The following PROCR variants were observed in gnomAD, a reference collection of about 807,000 sequenced individuals.
PROCR encodes the protein endothelial protein C receptor.
Under a neutral mutation model 24.2 loss-of-function variants are expected in PROCR, and 22 were observed. The observed-to-expected ratio is 0.91, with a 90% CI of 0.65 to 1.30. The LOEUF is 1.30. Among genes scored for constraint, PROCR ranks in the 50% most tolerant of loss-of-function variants. PROCR has a pLI of 0.00. For synonymous variants in PROCR, 137 were observed against 139.2 expected (o/e 0.98, Z 0.11); for missense variants, 288 against 307.7 (o/e 0.94, Z 0.48).
At chr20:35,181,267 A>AATTTT (rs201093381), downstream of PROCR, among the ~76,000 whole-genome samples, 4 of 34,044 alleles carry the variant, frequency 1.2e-4, no homozygotes, top group African/African-American at 2.2e-4. Context: ...ATTTAATTTT[A>AATTTT]ATTTAATTTT....
At chr20:35,206,200 C>T (rs571344861) in intron 1 of PROCR, among the ~76,000 whole-genome samples, 1 of 151,572 alleles carries the variant, frequency 6.6e-6, no homozygotes, top group South Asian at 2.1e-4. Flanking sequence ...CTCAGTAGGG[C>T]GCAGTGCCTC....
At chr20:35,177,749 C>G (rs2086035385), downstream of PROCR, among the ~76,000 whole-genome samples, 1 of 152,002 alleles carries the variant, frequency 6.6e-6, no homozygotes, top group Non-Finnish European at 1.5e-5. Flanking sequence ...ATTCTTAGAC[C>G]CAGTGCAATC....
intron 1 of PROCR, among the ~76,000 whole-genome samples, chr20:35,183,041 G>A (rs560813958): frequency 1.3e-5 from 2 of 149,952 alleles, no homozygotes; most frequent in Admixed American, 1.3e-4. Flanking sequence ...ATTTACTCTT[G>A]TAGCTATCAT....
intron 1 of PROCR, among the ~76,000 whole-genome samples, chr20:35,211,602 C>G (rs192734386): frequency 6.6e-6 from 1 of 152,170 alleles, no homozygotes; most frequent in Non-Finnish European, 1.5e-5. Context: ...CTCTCAACTC[C>G]CATGTGCTAG....
chr20:35,215,989 GGAGTTC>G lies in PROCR; in HGVS notation c.*90_*95del, dbSNP rs1031773026. On this transcript the variant is annotated 3_prime_UTR_variant, in exon 2 of 2. Coordinates refer to the PROCR transcript ENST00000634509. ...GAGGCAGGAGGATCACTTGAGGTTG[GGAGTTC>G]GAGACCAGCATGACCAACATGGAAA... is the stretch of plus-strand genomic sequence containing the variant. 3 of 515,674 alleles carry G rather than the reference GGAGTTC, an allele frequency of 5.8e-6. No homozygotes were observed. The African/African-American group carries it at 6.2e-5, about 11-fold the overall frequency. 31.9% of individuals were successfully genotyped at this position (515,674 alleles called of 1,614,324 possible).
intron 1 of PROCR, among the ~76,000 whole-genome samples, chr20:35,183,727 T>C (rs1216087383): frequency 6.6e-6 from 1 of 152,108 alleles, no homozygotes. Flanking sequence ...TGTGAATTGG[T>C]GAGATATGAC....
At chr20:35,208,649 G>A (rs1472062173) in intron 1 of PROCR, among the ~76,000 whole-genome samples, 3 of 152,118 alleles carry the variant, frequency 2.0e-5, no homozygotes, top group South Asian at 2.1e-4. Context: ...GAAAGACTAC[G>A]ACACTATAAA....
At chr20:35,205,846 C>CAT (rs2060339564) in intron 1 of PROCR, among the ~76,000 whole-genome samples, 1 of 129,390 alleles carries the variant, frequency 7.7e-6, no homozygotes, top group South Asian at 2.5e-4. Flanking sequence ...TACATATATA[C>CAT]ATGTATACAT....
chr20:35,193,729 A>G (rs569915147), intron 1 of PROCR, among the ~76,000 whole-genome samples: 1 of 152,298 alleles, frequency 6.6e-6, no homozygotes, highest in Admixed American at 6.5e-5. Flanking sequence ...ACTACATTTG[A>G]TATTTATTAG....
At chr20:35,210,505 C>T (rs2060358367) in intron 1 of PROCR, among the ~76,000 whole-genome samples, 1 of 151,948 alleles carries the variant, frequency 6.6e-6, no homozygotes. Flanking sequence ...TACGGTTGCG[C>T]CACTGCACTC....
intron 1 of PROCR, among the ~76,000 whole-genome samples, chr20:35,215,215 A>G (rs2060377589): frequency 6.6e-6 from 1 of 151,778 alleles, no homozygotes; most frequent in Non-Finnish European, 1.5e-5. Flanking sequence ...CCGGCCTTTT[A>G]CCCTCCATTT....
At chr20:35,177,938 A>G (rs2146148059), downstream of PROCR, among the ~76,000 whole-genome samples, 1 of 152,242 alleles carries the variant, frequency 6.6e-6, no homozygotes, top group Middle Eastern at 3.4e-3. Flanking sequence ...TGACTATGTC[A>G]TCTTACACGA....
At chr20:35,179,175 G>T (rs1357804040), downstream of PROCR, among the ~76,000 whole-genome samples, 1 of 145,642 alleles carries the variant, frequency 6.9e-6, no homozygotes, top group Non-Finnish European at 1.5e-5. Flanking sequence ...AGAGCTTGCA[G>T]TGAGCCGAGA....
intron 1 of PROCR, chr20:35,203,285 T>G (rs1411643506): frequency 6.6e-6 from 1 of 151,622 alleles, no homozygotes; most frequent in Admixed American, 6.6e-5. Context: ...AAATCAATAA[T>G]AGAAAACTCC....
chr20:35,180,719 C>T (rs2086070328), downstream of PROCR, among the ~76,000 whole-genome samples: 1 of 152,146 alleles, frequency 6.6e-6, no homozygotes, highest in Non-Finnish European at 1.5e-5. Flanking sequence ...TTTTCTCAAT[C>T]TTGTCTGGAC....
At chr20:35,214,133 C>T (rs1338351683) in intron 1 of PROCR, among the ~76,000 whole-genome samples, 1 of 151,830 alleles carries the variant, frequency 6.6e-6, no homozygotes, top group Non-Finnish European at 1.5e-5. Flanking sequence ...AATTGCCTTC[C>T]CACCCTGTCC....
At chr20:35,174,341 G>A in intron 1 of PROCR, 2 of 353,498 alleles carry the variant, frequency 5.7e-6, no homozygotes, top group South Asian at 4.9e-5. Context: ...TGGAAGAGGA[G>A]ATGGAGAACA....
chr20:35,175,411 C>A (rs13041457), intron 2 of PROCR, among the ~76,000 whole-genome samples: 2 of 148,906 alleles, frequency 1.3e-5, no homozygotes, highest in Non-Finnish European at 3.0e-5. Flanking sequence ...CCCCCAAAGA[C>A]CCCAAGTTCT....
At chr20:35,187,439 A>G (rs2086138013) in intron 1 of PROCR, among the ~76,000 whole-genome samples, 1 of 152,216 alleles carries the variant, frequency 6.6e-6, no homozygotes. Flanking sequence ...GTGATGTGGT[A>G]CAAGAACTGG....
Sources: gnomAD v4.1 joint callset for allele counts (sites outside exome capture counted in the v4.1 genomes callset) on GRCh38, gnomAD v4.1.1 for gene constraint, MANE v1.5 for transcripts, NCBI Gene and HGNC (gene_info 2026-07-23, HGNC 2026-07-21) for gene names.